Variants in SNTG1 observed in about 807,000 individuals in gnomAD.
SNTG1 encodes gamma-1-syntrophin.
SNTG1 carries 39 observed loss-of-function variants against 74.7 expected under a neutral mutation model. The observed-to-expected ratio is 0.52, with a 90% CI of 0.40 to 0.68. The LOEUF (loss-of-function observed/expected upper bound fraction) is 0.68, where lower values mean the gene tolerates loss of function less well. Among genes scored for constraint, SNTG1 ranks in the 30% least tolerant of loss-of-function variants. The pLI, the probability that SNTG1 is intolerant of heterozygous loss-of-function variation, is 0.00. For synonymous variants in SNTG1, 254 were observed against 217.1 expected (o/e 1.17, Z -1.49); for missense variants, 685 against 609.5 (o/e 1.12, Z -1.30).
intron 12 of SNTG1, among the ~76,000 whole-genome samples, chr8:50,571,544 G>T (rs535739439): frequency 1.3e-5 from 2 of 152,290 alleles, no homozygotes; most frequent in South Asian, 4.1e-4. Context: ...CCAGTTCAGG[G>T]ATCTGAGAAC....
intron 1 of SNTG1, among the ~76,000 whole-genome samples, chr8:50,133,931 G>C (rs989803659): frequency 6.6e-6 from 1 of 152,158 alleles, no homozygotes; most frequent in Admixed American, 6.6e-5. Context: ...ATTAACAAAA[G>C]AAGTCATGGA....
intron 18 of SNTG1, among the ~76,000 whole-genome samples, chr8:50,753,201 C>T (rs1016545293): frequency 2.6e-5 from 4 of 151,992 alleles, no homozygotes; most frequent in South Asian, 2.1e-4. Flanking sequence ...ATCTCTGCAC[C>T]GGCCCTTTCT....
At chr8:50,014,421 C>A (rs958454) in intron 1 of SNTG1, among the ~76,000 whole-genome samples, 3 of 125,526 alleles carry the variant, frequency 2.4e-5, no homozygotes, top group African/African-American at 8.6e-5. Context: ...CGGAGCCTGG[C>A]TGAGAATTTA....
At chr8:50,645,509 C>A (rs929319254) in intron 13 of SNTG1, among the ~76,000 whole-genome samples, 2 of 151,842 alleles carry the variant, frequency 1.3e-5, no homozygotes, top group Non-Finnish European at 2.9e-5. Context: ...ATTCTTATCT[C>A]CTTGTGTGGC....
chr8:50,588,588 T>C (rs550092452), intron 12 of SNTG1, among the ~76,000 whole-genome samples: 1 of 152,342 alleles, frequency 6.6e-6, no homozygotes, highest in East Asian at 1.9e-4. Flanking sequence ...ACACAATTTA[T>C]TTTCTTGCCA....
chr8:50,424,043 C>A (rs567617072), intron 4 of SNTG1, among the ~76,000 whole-genome samples: 3 of 152,040 alleles, frequency 2.0e-5, no homozygotes, highest in African/African-American at 4.8e-5. Flanking sequence ...TGTCATAGAC[C>A]AAAGACCCTT....
chr8:50,208,461 C>G (rs950176175), intron 2 of SNTG1, among the ~76,000 whole-genome samples: 1 of 152,100 alleles, frequency 6.6e-6, no homozygotes, highest in African/African-American at 2.4e-5. Context: ...TGTCTCTCCA[C>G]GTGAGATGGT....
intron 11 of SNTG1, among the ~76,000 whole-genome samples, chr8:50,542,685 G>T (rs1344692794): frequency 6.6e-6 from 1 of 152,124 alleles, no homozygotes; most frequent in African/African-American, 2.4e-5. Context: ...TGAAGTAGTG[G>T]TTGTACTAAT....
intron 1 of SNTG1, among the ~76,000 whole-genome samples, chr8:50,074,487 T>C (rs939031112): frequency 6.6e-6 from 1 of 152,034 alleles, no homozygotes; most frequent in Non-Finnish European, 1.5e-5. Flanking sequence ...GAGGTCCGAG[T>C]AGAGTGAGAG....
intron 1 of SNTG1, among the ~76,000 whole-genome samples, chr8:50,066,354 T>C (rs1820899974): frequency 6.6e-6 from 1 of 152,150 alleles, no homozygotes; most frequent in Non-Finnish European, 1.5e-5. Context: ...TTTTGATATA[T>C]ATATATATAA....
At chr8:50,492,749 T>C (rs560420799) in intron 8 of SNTG1, among the ~76,000 whole-genome samples, 1 of 152,364 alleles carries the variant, frequency 6.6e-6, no homozygotes, top group Non-Finnish European at 1.5e-5. Context: ...GAGACGTATT[T>C]GTCAATTTTG....
chr8:49,938,342 A>T (rs1194488399), intron 1 of SNTG1, among the ~76,000 whole-genome samples: 1 of 152,182 alleles, frequency 6.6e-6, no homozygotes, highest in Non-Finnish European at 1.5e-5. Flanking sequence ...TCCACATAAT[A>T]ATCCTAGAAG....
intron 1 of SNTG1, among the ~76,000 whole-genome samples, chr8:50,067,388 A>G (rs1185534532): frequency 6.6e-6 from 1 of 152,194 alleles, no homozygotes; most frequent in Non-Finnish European, 1.5e-5. Flanking sequence ...TTAAGCCATT[A>G]AGAAGATAAG....
chr8:50,295,484 A>G (rs190265201), intron 2 of SNTG1, among the ~76,000 whole-genome samples: 21 of 152,184 alleles, frequency 1.4e-4, no homozygotes, highest in Admixed American at 1.4e-3. Context: ...CAAACAGAGC[A>G]GTGTTTCATT....
chr8:50,651,871 C>A (rs1275981284), intron 13 of SNTG1, among the ~76,000 whole-genome samples: 1 of 151,950 alleles, frequency 6.6e-6, no homozygotes, highest in Non-Finnish European at 1.5e-5. Context: ...CCTCCACCTC[C>A]CAGGTTCAAG....
chr8:50,638,995 T>G (rs193017110), intron 13 of SNTG1, among the ~76,000 whole-genome samples: 183 of 152,252 alleles, frequency 1.2e-3, no homozygotes, highest in African/African-American at 4.1e-3. Flanking sequence ...AAATGCTTGT[T>G]GCTATTGTTT....
rs1006672711 is a variant in SNTG1, at chr8:50,795,557, G to C, written c.*2728G>C. The C allele has an allele frequency of 3.3e-5, 5 of 152,030 alleles. No individual in the cohort carries two copies. Among genetic ancestry groups the C allele is most frequent in the African/African-American group, 4.8e-5 (2 of 41,426 alleles). 9.4% of individuals were successfully genotyped at this position (152,030 alleles called of 1,614,324 possible). ...CCTTGGTATGTGTGAGCGTGTATGT[G>C]TGTTTGGGTGTGTGTCTGTGTATGT... On this transcript the variant is annotated 3_prime_UTR_variant, in exon 19 of 19. Coordinates refer to ENST00000642720, the MANE Select transcript of SNTG1 (RefSeq NM_018967.5).
At chr8:50,309,122 C>G (rs900155260) in intron 2 of SNTG1, among the ~76,000 whole-genome samples, 5 of 152,036 alleles carry the variant, frequency 3.3e-5, no homozygotes, top group Admixed American at 3.3e-4. Context: ...ATTCATAGCC[C>G]TTTACTGAAT....
At chr8:50,777,824 G>A (rs920659469) in intron 18 of SNTG1, among the ~76,000 whole-genome samples, 2 of 151,850 alleles carry the variant, frequency 1.3e-5, no homozygotes, top group African/African-American at 4.8e-5. Context: ...TTAGCATTAG[G>A]TATATCTCCT....
Sources: gnomAD v4.1 joint callset for allele counts (sites outside exome capture counted in the v4.1 genomes callset) on GRCh38, gnomAD v4.1.1 for gene constraint, MANE v1.5 for transcripts, NCBI Gene and HGNC (gene_info 2026-07-23, HGNC 2026-07-21) for gene names.